PCDHGB2: variants seen among roughly 807,000 people sequenced by gnomAD.
PCDHGB2 encodes protocadherin gamma-B2.
In PCDHGB2, 55 loss-of-function variants were observed where a neutral mutation model predicts 59.3. The ratio of observed to expected loss-of-function variants is 0.93; its 90% CI spans 0.75 to 1.16. The LOEUF (loss-of-function observed/expected upper bound fraction) is 1.16, where lower values mean the gene tolerates loss of function less well. Among genes scored for constraint, PCDHGB2 ranks in the 50% most tolerant of loss-of-function variants. PCDHGB2 has a pLI of 0.00. For synonymous variants in PCDHGB2, 516 were observed against 512.0 expected (o/e 1.01, Z -0.11); for missense variants, 1,228 against 1,198.5 (o/e 1.02, Z -0.36).
intron 1 of PCDHGB2, among the ~76,000 whole-genome samples, chr5:141,437,913 T>G (rs1232481433): frequency 6.6e-6 from 1 of 152,138 alleles, no homozygotes; most frequent in East Asian, 1.9e-4. Context: ...AATTTTTGTA[T>G]TTTTAGTAGA....
At chr5:141,365,002 C>G (rs779500238) in intron 1 of PCDHGB2, 2 of 1,613,800 alleles carry the variant, frequency 1.2e-6, no homozygotes, top group African/African-American at 2.7e-5. Flanking sequence ...TACTCTCCGG[C>G]ACCACGCACA....
rs756237595 is a variant in PCDHGB2, at chr5:141,398,946, C to T, written c.2421+36390C>T. The T allele has an allele frequency of 1.9e-6, 3 of 1,613,830 alleles. No individual in the cohort carries two copies. The Admixed American group carries it at 5.0e-5, about 27-fold the overall frequency. ...CAGCCACTGACCAAGACGAGGGCAT[C>T]AACTCAGAAATTACTTATTCCTTCT... On this transcript the variant is annotated intron_variant, in intron 1 of 3. Coordinates refer to ENST00000522605, the MANE Select transcript of PCDHGB2 (RefSeq NM_018923.3).
intron 1 of PCDHGB2, among the ~76,000 whole-genome samples, chr5:141,425,025 T>C (rs1416166875): frequency 1.3e-5 from 2 of 152,236 alleles, no homozygotes; most frequent in Non-Finnish European, 2.9e-5. Flanking sequence ...ATTTACCTTA[T>C]GTCATTAGTT....
intron 1 of PCDHGB2, among the ~76,000 whole-genome samples, chr5:141,425,668 T>C (rs2096887740): frequency 1.3e-5 from 2 of 152,260 alleles, no homozygotes; most frequent in South Asian, 4.1e-4. Context: ...GCACATCAGA[T>C]TGAAAATAAT....
At chr5:141,418,115 G>C in intron 1 of PCDHGB2, 1 of 1,614,098 alleles carries the variant, frequency 6.2e-7, no homozygotes, top group South Asian at 1.1e-5. Context: ...GGACTTACTT[G>C]TGAAGGACCG....
chr5:141,510,510 G>A (rs1042950478), intron 3 of PCDHGB2, among the ~76,000 whole-genome samples: 5 of 152,132 alleles, frequency 3.3e-5, no homozygotes, highest in Non-Finnish European at 5.9e-5. Context: ...CTGAGAGCCC[G>A]TGTCACAGCC....
Position 141,487,687 on chromosome 5 carries a change from A to G in PCDHGB2, c.2422-7120A>G, listed in dbSNP as rs750431854. ...CAGGCATATGGCTAGGCCATGTCCTAGAGAGTACTGGCCTCTCAGTAAGTG... is the reference window on the plus strand; with the variant it reads ...CAGGCATATGGCTAGGCCATGTCCTGGAGAGTACTGGCCTCTCAGTAAGTG... On this transcript the variant is annotated intron_variant, in intron 1 of 3. Transcript: ENST00000522605. This position sits in a 1 kb window ranked among gnomAD's most constrained non-coding sequence, Gnocchi z 5.0. The G allele has an allele frequency of 1.9e-6, 3 of 1,606,256 alleles. No individual in the cohort carries two copies. The highest frequency in any genetic ancestry group is 3.4e-5 in the Admixed American group (2 of 58,832).
At position 141,423,756 on chromosome 5, in the gene PCDHGB2, G is replaced by GGA. The variant is rs1554116833; in HGVS notation, c.2421+61201_2421+61202insAG. 3 of 448,454 alleles carry GGA rather than the reference G, an allele frequency of 6.7e-6. No individual in the cohort carries two copies. In the African/African-American group the frequency reaches 8.4e-5, roughly 13 times the overall value. The allele number at this position is 448,454 out of a possible 1,614,324, so 27.8% of individuals were successfully genotyped here. A position where few individuals can be genotyped will look rare whatever the true frequency, so the allele number is the denominator to read the frequency against. ...GCCTGTTATGAAAACTGTTTGGGGG[G>GGA]GGGGTGGGGCGGCATATATTTAGTT... On this transcript the variant is annotated intron_variant, in intron 1 of 3. Coordinates refer to ENST00000522605, the MANE Select transcript of PCDHGB2 (RefSeq NM_018923.3).
In PCDHGB2 at chr5:141,511,580, G is replaced by A. The variant is rs1436011320; in HGVS notation, c.*407G>A. ...CTCTTTCCCGAGTAAGGTGGTTGGG[G>A]TGTTGAAGTACCAAGTAACCTACAA... On this transcript the variant is annotated 3_prime_UTR_variant, in exon 4 of 4. Coordinates refer to ENST00000522605, the MANE Select transcript of PCDHGB2 (RefSeq NM_018923.3). 2 of 282,206 alleles carry A rather than the reference G, an allele frequency of 7.1e-6. No individual in the cohort carries two copies. Among genetic ancestry groups the A allele is most frequent in the Admixed American group, 4.6e-5 (1 of 21,516 alleles). The allele number at this position is 282,206 out of a possible 1,614,324, so 17.5% of individuals were successfully genotyped here.
At chr5:141,387,911 C>G (rs2091149943) in intron 1 of PCDHGB2, 8 of 1,495,982 alleles carry the variant, frequency 5.3e-6, no homozygotes, top group Non-Finnish European at 7.1e-6. Flanking sequence ...GGGAGCTGGG[C>G]CGGGCTGAGA....
chr5:141,360,697 G>T lies in PCDHGB2; in HGVS notation c.562G>T (p.Gly188Cys). The change falls in exon 1 of 4, where the codon GGT becomes TGT. Residue 188 changes from glycine (G) to cysteine (C), a missense_variant. Physicochemically the swap from Gly to Cys is radical, Grantham distance 159. Around this residue, in one of 3 missense-constraint regions of PCDHGB2, gnomAD observed 781 missense variants for 721.6 expected, o/e 1.08. Transcript: ENST00000522605. ...TCTCGCTGAGAAACAGACTCCAGAT[G>T]GTCGTAAATATCCTGAGTTGATTCT... ...FDLAEKQTPD[G>C]RKYPELILKH... 5 of 1,613,976 alleles carry T rather than the reference G, an allele frequency of 3.1e-6. No homozygotes were observed. The highest frequency in any genetic ancestry group is 4.2e-6 in the Non-Finnish European group (5 of 1,179,888).
intron 1 of PCDHGB2, chr5:141,428,018 C>T (rs771831423): frequency 1.9e-6 from 3 of 1,604,570 alleles, no homozygotes; most frequent in Non-Finnish European, 2.6e-6. Flanking sequence ...TAGTGCCACG[C>T]GCCGCAGAGT....
At chr5:141,423,744 A>G in intron 1 of PCDHGB2, 1 of 429,464 alleles carries the variant, frequency 2.3e-6, no homozygotes. Context: ...TGTTATGAAA[A>G]CTGTTTGGGG....
rs530054362 is a variant in PCDHGB2 at position 141,486,066 on chromosome 5, C to G, written c.2422-8741C>G. ...AGAAACCTCTTTAGCCTGCACCCCACTACTGGAAAGCTTACTCTTTTGGGG... is the reference window on the plus strand; with the variant it reads ...AGAAACCTCTTTAGCCTGCACCCCAGTACTGGAAAGCTTACTCTTTTGGGG... On this transcript the variant is annotated intron_variant, in intron 1 of 3. Coordinates refer to ENST00000522605, the MANE Select transcript of PCDHGB2 (RefSeq NM_018923.3). This position sits in a 1 kb window ranked among gnomAD's most constrained non-coding sequence, Gnocchi z 5.0. The G allele has an allele frequency of 3.1e-6, 5 of 1,614,166 alleles. No homozygotes were observed. In the African/African-American group the frequency reaches 5.3e-5, roughly 17 times the overall value.
chr5:141,485,735 G>C lies in PCDHGB2; in HGVS notation c.2422-9072G>C, dbSNP rs1562107417. ...ACTGGATGTGAAGAAGCGCAGCGAC[G>C]GCAGCCTGGTCCCAGAGCTGCTCCT... is the stretch of plus-strand genomic sequence containing the variant. On this transcript the variant is annotated intron_variant, in intron 1 of 3. Coordinates refer to ENST00000522605, the MANE Select transcript of PCDHGB2 (RefSeq NM_018923.3). This position sits in a 1 kb window ranked among gnomAD's most constrained non-coding sequence, Gnocchi z 5.7. 2.5e-6 allele frequency: 4 copies of C among 1,614,048 alleles called. No individual in the cohort carries two copies. The highest frequency in any genetic ancestry group is 3.4e-6 in the Non-Finnish European group (4 of 1,180,044).
At chr5:141,407,117 C>T (rs1412216570) in intron 1 of PCDHGB2, among the ~76,000 whole-genome samples, 1 of 152,098 alleles carries the variant, frequency 6.6e-6, no homozygotes, top group African/African-American at 2.4e-5. Flanking sequence ...ATTTGGGTTT[C>T]AGTTGCTTTA....
chr5:141,485,539 G>C lies in PCDHGB2; in HGVS notation c.2422-9268G>C, dbSNP rs370323886. The C allele has an allele frequency of 9.9e-6, 16 of 1,613,986 alleles. No homozygotes were observed. In the African/African-American group the frequency reaches 2.0e-4, roughly 20 times the overall value. On this transcript the variant is annotated intron_variant, in intron 1 of 3. Transcript: ENST00000522605. This position sits in a 1 kb window ranked among gnomAD's most constrained non-coding sequence, Gnocchi z 5.7. ...TGGAAATGTACCGAGCAGAGGTAGA[G>C]ATCGTAGATGTGAATGATCACGCCC... is the stretch of plus-strand genomic sequence containing the variant.
At chr5:141,374,621 G>A (rs1261974648) in intron 1 of PCDHGB2, 1 of 1,613,482 alleles carries the variant, frequency 6.2e-7, no homozygotes, top group Non-Finnish European at 8.5e-7. Flanking sequence ...TCACTTCTCA[G>A]TGGACGTGCA....
chr5:141,406,732 G>A (rs1190275382), intron 1 of PCDHGB2, among the ~76,000 whole-genome samples: 1 of 152,142 alleles, frequency 6.6e-6, no homozygotes, highest in Non-Finnish European at 1.5e-5. Context: ...TCTAAGACTG[G>A]ACACTGTGAA....
Sources: allele counts gnomAD v4.1 joint callset (sites outside exome capture counted in the v4.1 genomes callset), GRCh38; gene constraint gnomAD v4.1.1; regional missense constraint gnomAD v4.1.1; non-coding constraint Gnocchi (gnomAD v3.1); transcripts MANE v1.5; gene names NCBI Gene and HGNC (gene_info 2026-07-23, HGNC 2026-07-21).